NRBP2: variants seen among roughly 807,000 people sequenced by gnomAD.
NRBP2 encodes the protein nuclear receptor-binding protein 2.
A neutral mutation model predicts 74.4 loss-of-function variants in NRBP2; 47 were observed. The observed-to-expected ratio is 0.63, with a 90% confidence interval of 0.50 to 0.81. The LOEUF is 0.81. NRBP2 is among the 30% of genes least tolerant of loss of function. NRBP2 has a pLI of 0.00. For synonymous variants in NRBP2, 312 were observed against 273.8 expected, an observed-to-expected ratio of 1.14 and a Z score of -1.38; for missense variants, 613 against 690.1, an observed-to-expected ratio of 0.89 and a Z score of 1.25.
At position 143,840,396 on chromosome 8, in the gene NRBP2, G is replaced by A. The variant is rs188306631; in HGVS notation, c.130-167C>T. On this transcript the variant is annotated intron_variant, in intron 1 of 17. Coordinates refer to ENST00000442628, the MANE Select transcript of NRBP2 (RefSeq NM_178564.4). The surrounding 1 kb of genome is among the most constrained non-coding windows in gnomAD (Gnocchi z 5.7). ...GGGTAGCTGCCCCCAGGAGCCAAGG[G>A]CTCCTATCCAAGGGCTGGGCTAAGG... 3.3e-3 allele frequency: 3,035 copies of A among 931,514 alleles called. 4 individuals carry two copies. Among genetic ancestry groups the A allele is most frequent in the Non-Finnish European group, 4.0e-3 (2,524 of 638,766 alleles). 57.7% of individuals were successfully genotyped at this position (931,514 alleles called of 1,614,324 possible).
downstream of NRBP2, among the ~76,000 whole-genome samples, chr8:143,832,638 A>G (rs183161505): frequency 5.3e-4 from 81 of 152,362 alleles, no homozygotes; most frequent in African/African-American, 1.9e-3. Context: ...ATGTGTATGC[A>G]TATCTAAAAG....
At chr8:143,832,283 G>A (rs1213361789), downstream of NRBP2, among the ~76,000 whole-genome samples, 5 of 151,688 alleles carry the variant, frequency 3.3e-5, no homozygotes, top group Non-Finnish European at 7.4e-5. Flanking sequence ...CAAAAACTGC[G>A]GAAGGCCGCA....
In NRBP2 at chr8:143,837,367, A is replaced by C; in HGVS notation, c.1076+40T>G. 2.4e-6 allele frequency: 1 copy of C among 417,500 alleles called. No individual in the cohort carries two copies. The highest frequency in any genetic ancestry group is 3.5e-6 in the Non-Finnish European group (1 of 288,672). The allele number at this position is 417,500 out of a possible 1,614,324, so 25.9% of individuals were successfully genotyped here. Reference sequence around the variant, plus strand: ...AGGGGAGGGGAGGTGCGGGGAGGGGAGGTGTGGGGAGGGGAGGCTTCTGGG... The same window carrying C: ...AGGGGAGGGGAGGTGCGGGGAGGGGCGGTGTGGGGAGGGGAGGCTTCTGGG... On this transcript the variant is annotated intron_variant, in intron 12 of 17. Coordinates refer to ENST00000442628, the MANE Select transcript of NRBP2 (RefSeq NM_178564.4). This position sits in a 1 kb window ranked among gnomAD's most constrained non-coding sequence, Gnocchi z 4.3.
rs1205587783 is a variant in NRBP2 at position 143,835,459 on chromosome 8, C to T, written c.*203G>A. On this transcript the variant is annotated 3_prime_UTR_variant, in exon 18 of 18. Coordinates refer to ENST00000442628, the MANE Select transcript of NRBP2 (RefSeq NM_178564.4). This position sits in a 1 kb window ranked among gnomAD's most constrained non-coding sequence, Gnocchi z 4.9. ...GATCCTAAGGACCTGGGAGGCCTAA[C>T]GGCTCCCCCACACCCACCCCCCAAC... The T allele has an allele frequency of 1.2e-5, 8 of 654,564 alleles. No individual in the cohort carries two copies. The highest frequency in any genetic ancestry group is 7.4e-5 in the African/African-American group (4 of 54,180). 40.5% of individuals were successfully genotyped at this position (654,564 alleles called of 1,614,324 possible). A position where few individuals can be genotyped will look rare whatever the true frequency, so the allele number is the denominator to read the frequency against.
downstream of NRBP2, among the ~76,000 whole-genome samples, chr8:143,832,922 ACACC>A (rs1212611945): frequency 6.6e-6 from 1 of 152,228 alleles, no homozygotes; most frequent in Non-Finnish European, 1.5e-5. Flanking sequence ...CTTACGAGAA[ACACC>A]CACAGGTGTG....
Position 143,840,951 on chromosome 8 carries a change from G to C in NRBP2, c.-117C>G. On this transcript the variant is annotated 5_prime_UTR_variant, in exon 1 of 18. Transcript: ENST00000442628. The surrounding 1 kb of genome is among the most constrained non-coding windows in gnomAD (Gnocchi z 5.7). ...CCTAGAGCCGCCGCGGCAGCCTAGA[G>C]CCCCAGCCCCGGCTCTGGGAATTGG... 1 of 1,140,180 alleles carries C rather than the reference G, an allele frequency of 8.8e-7. No individual in the cohort carries two copies. Among genetic ancestry groups the C allele is most frequent in the Non-Finnish European group, 1.1e-6 (1 of 929,928 alleles). 70.6% of individuals were successfully genotyped at this position (1,140,180 alleles called of 1,614,324 possible).
In NRBP2 at chr8:143,837,754, T is replaced by G. The variant is rs1554652350; in HGVS notation, c.842A>C (p.Glu281Ala). Reference protein sequence around the residue: ...RHSLSDPNMREFILCCLARDP... With the variant: ...RHSLSDPNMRAFILCCLARDP... Reference sequence around the variant, plus strand: ...CCGGGCCAGGCAGCAAAGGATGAACTCCTGGGGCACAGGGAGGAGAGGCTG... The same window carrying G: ...CCGGGCCAGGCAGCAAAGGATGAACGCCTGGGGCACAGGGAGGAGAGGCTG... The change falls in exon 11 of 18, where the codon GAG (glutamate) becomes GCG (alanine). Residue 281 changes from glutamate to alanine, a missense_variant and splice_region_variant. Transcript: ENST00000442628. The surrounding 1 kb of genome is among the most constrained non-coding windows in gnomAD (Gnocchi z 4.3). The G allele has an allele frequency of 6.4e-7, 1 of 1,559,222 alleles. No individual in the cohort carries two copies. Among genetic ancestry groups the G allele is most frequent in the South Asian group, 1.2e-5 (1 of 84,732 alleles).
chr8:143,835,943 GC>G lies in NRBP2; in HGVS notation c.1381+23del. 1.3e-6 allele frequency: 2 copies of G among 1,591,780 alleles called. No individual in the cohort carries two copies. The highest frequency in any genetic ancestry group is 8.5e-7 in the Non-Finnish European group (1 of 1,173,410). On this transcript the variant is annotated intron_variant, in intron 16 of 17. Coordinates refer to ENST00000442628, the MANE Select transcript of NRBP2 (RefSeq NM_178564.4). The surrounding 1 kb of genome is among the most constrained non-coding windows in gnomAD (Gnocchi z 4.9). Reference sequence around the variant, plus strand: ...CCGCCGCCTGGGGTCACCGCCCGCCGCCCAAGTCCCCTGCCCAGCCTACTTG... The same window carrying G: ...CCGCCGCCTGGGGTCACCGCCCGCCGCCAAGTCCCCTGCCCAGCCTACTTG...
At chr8:143,836,230 G>A in intron 14 of NRBP2, 50 bp from the exon 15 acceptor site, 3 of 1,479,526 alleles carry the variant, frequency 2.0e-6, no homozygotes, top group East Asian at 2.5e-5. Flanking sequence ...AAGACCACAT[G>A]CCGCGGCCCC....
chr8:143,831,313 G>A (rs565205395), downstream of NRBP2, among the ~76,000 whole-genome samples: 3 of 152,344 alleles, frequency 2.0e-5, no homozygotes, highest in African/African-American at 7.2e-5. Context: ...CACCATGACT[G>A]CATCTCAAAA....
chr8:143,833,547 T>C (rs1818237029), downstream of NRBP2: 1 of 152,132 alleles, frequency 6.6e-6, no homozygotes, highest in African/African-American at 2.4e-5. Flanking sequence ...AAAACATGGA[T>C]TTCAAATGCC....
chr8:143,839,292 C>T lies in NRBP2; in HGVS notation c.580+22G>A, dbSNP rs1563863985. 1.9e-6 allele frequency: 3 copies of T among 1,539,882 alleles called. No individual in the cohort carries two copies. The highest frequency in any genetic ancestry group is 1.7e-6 in the Non-Finnish European group (2 of 1,148,786). ...CACCTTCCCCTGCCCCGTTCCCCCACCCAGCCCTGCCCCGCCAGCACCGGA... is the reference window on the plus strand; with the variant it reads ...CACCTTCCCCTGCCCCGTTCCCCCATCCAGCCCTGCCCCGCCAGCACCGGA... On this transcript the variant is annotated intron_variant, in intron 6 of 17. Coordinates refer to ENST00000442628, the MANE Select transcript of NRBP2 (RefSeq NM_178564.4). This position sits in a 1 kb window ranked among gnomAD's most constrained non-coding sequence, Gnocchi z 5.1.
At position 143,839,381 on chromosome 8, in the gene NRBP2, G is replaced by A. The variant is rs781905926; in HGVS notation, c.513C>T (p.Ile171=). 2.8e-5 allele frequency: 44 copies of A among 1,588,342 alleles called. No homozygotes were observed. Among genetic ancestry groups the A allele is most frequent in the Non-Finnish European group, 3.4e-5 (40 of 1,174,698 alleles). The change falls in exon 6 of 18, where the codon ATC becomes ATT. Residue 171 remains isoleucine, a synonymous_variant. Coordinates refer to ENST00000442628, the MANE Select transcript of NRBP2 (RefSeq NM_178564.4). The surrounding 1 kb of genome is among the most constrained non-coding windows in gnomAD (Gnocchi z 5.1). ...TGTCGCTGGTCAGGTTCCCGTGGAT[G>A]ATTGGGGGGCTGCAGGCGTGCAGGA... ...LSFLHACSPP[I]IHGNLTSDTI... is the part of the protein sequence containing the mutation.
In NRBP2 at chr8:143,835,514, A is replaced by G; in HGVS notation, c.*148T>C. The G allele has an allele frequency of 4.4e-6, 3 of 681,570 alleles. 1 individual carries two copies. The highest frequency in any genetic ancestry group is 6.0e-5 in the East Asian group (2 of 33,360). 42.2% of individuals were successfully genotyped at this position (681,570 alleles called of 1,614,324 possible). A position where few individuals can be genotyped will look rare whatever the true frequency, so the allele number is the denominator to read the frequency against. On this transcript the variant is annotated 3_prime_UTR_variant, in exon 18 of 18. Transcript: ENST00000442628. This position sits in a 1 kb window ranked among gnomAD's most constrained non-coding sequence, Gnocchi z 4.9. ...CGGCGCCCAAGGCAGGGTCAGCCCC[A>G]CTCTCAGGAGACGGGGGGTTCCTTC...
chr8:143,839,656 G>A lies in NRBP2; in HGVS notation c.444+80C>T. On this transcript the variant is annotated intron_variant, in intron 4 of 17. Coordinates refer to ENST00000442628, the MANE Select transcript of NRBP2 (RefSeq NM_178564.4). This position sits in a 1 kb window ranked among gnomAD's most constrained non-coding sequence, Gnocchi z 5.1. ...CCCAGCCCCTGTCCGAGGCCGCCGG[G>A]CACCCCCTCACCATCCCAGTCCCCG... is the stretch of plus-strand genomic sequence containing the variant. The A allele has an allele frequency of 1.3e-6, 2 of 1,518,986 alleles. No individual in the cohort carries two copies. Among genetic ancestry groups the A allele is most frequent in the South Asian group, 2.4e-5 (2 of 81,926 alleles). 94.1% of individuals were successfully genotyped at this position (1,518,986 alleles called of 1,614,324 possible).
intron 15 of NRBP2, 24 bp from the exon 16 acceptor site, chr8:143,836,054 C>A: frequency 1.9e-6 from 3 of 1,563,736 alleles, no homozygotes; most frequent in South Asian, 2.4e-5. Context: ...GGGGCGTGGT[C>A]GGCTGGGGGT....
chr8:143,831,073 C>T (rs1818146500), downstream of NRBP2, among the ~76,000 whole-genome samples: 1 of 152,214 alleles, frequency 6.6e-6, no homozygotes, highest in African/African-American at 2.4e-5. Context: ...GGTCTGCCAC[C>T]ACCACCAGGG....
At position 143,838,898 on chromosome 8, in the gene NRBP2, C is replaced by T; in HGVS notation, c.729G>A (p.Gly243=). The T allele has an allele frequency of 6.2e-7, 1 of 1,612,914 alleles. No homozygotes were observed. The highest frequency in any genetic ancestry group is 8.5e-7 in the Non-Finnish European group (1 of 1,179,556). The part of the protein sequence containing the change: ...DGTAVDIFSF[G]MCALEMAVLE... The stretch of plus-strand genomic sequence containing the variant: ...GGGGCAGTACCTCCAGCGCACACAT[C>T]CCAAAGGAGAAGATGTCCACAGCGG... Residue 243 remains glycine, a synonymous_variant, in exon 9 of 18, where the codon GGG becomes GGA. Coordinates refer to ENST00000442628, the MANE Select transcript of NRBP2 (RefSeq NM_178564.4).
rs1554653201 is a variant in NRBP2 at position 143,839,823 on chromosome 8, G to T, written c.357C>A (p.Val119=). 6.5e-7 allele frequency: 1 copy of T among 1,536,014 alleles called. No individual in the cohort carries two copies. The highest frequency in any genetic ancestry group is 2.0e-5 in the Admixed American group (1 of 51,002). ...ATGACACGTACTCTGTGATGAAGAT[G>T]ACCTGCACGGTGCGAGCTCAGGATT... ...WLDTSEACAR[V]IFITEYVSSG... The change falls in exon 4 of 18, where the codon GTC becomes GTA. Residue 119 remains valine (V), a splice_region_variant and synonymous_variant. Coordinates refer to ENST00000442628, the MANE Select transcript of NRBP2 (RefSeq NM_178564.4). The surrounding 1 kb of genome is among the most constrained non-coding windows in gnomAD (Gnocchi z 5.1).
Sources: allele counts gnomAD v4.1 joint callset (sites outside exome capture counted in the v4.1 genomes callset), GRCh38; gene constraint gnomAD v4.1.1; non-coding constraint Gnocchi (gnomAD v3.1); transcripts MANE v1.5; gene names NCBI Gene and HGNC (gene_info 2026-07-23, HGNC 2026-07-21).